The following MCMBP variants were observed in gnomAD, a reference collection of about 807,000 sequenced individuals.
MCMBP encodes the protein mini-chromosome maintenance complex-binding protein.
MCMBP carries 31 observed loss-of-function variants against 81.3 expected under a neutral mutation model. That is an observed-to-expected ratio of 0.38 (90% CI 0.29 to 0.51). The LOEUF (loss-of-function observed/expected upper bound fraction) is 0.51. Ranked by LOEUF, MCMBP falls within the 20% of genes least tolerant of loss-of-function variation. MCMBP has a pLI of 0.87. For synonymous variants in MCMBP, 267 were observed against 275.9 expected (o/e 0.97, Z 0.32); for missense variants, 645 against 772.1 (o/e 0.84, Z 1.95).
intron 12 of MCMBP, among the ~76,000 whole-genome samples, chr10:119,838,138 T>TA (rs1852311273): frequency 6.6e-6 from 1 of 151,530 alleles, no homozygotes; most frequent in Non-Finnish European, 1.5e-5. Flanking sequence ...AAAGAACCCT[T>TA]ACGACCCTCA....
At chr10:119,866,617 C>A (rs1248490328) in intron 1 of MCMBP, among the ~76,000 whole-genome samples, 2 of 151,746 alleles carry the variant, frequency 1.3e-5, no homozygotes, top group African/African-American at 4.8e-5. Context: ...CAGAGTGAGA[C>A]TCCGTCTCAA....
rs555757437 is a variant in MCMBP at position 119,855,499 on chromosome 10, G to A, written c.429+1839C>T. Among the ~76,000 whole-genome samples, 27 of 152,156 alleles carry A rather than the reference G, an allele frequency of 1.8e-4. No individual in the cohort carries two copies. In the South Asian group the frequency reaches 2.1e-3, roughly 12 times the overall value. ...AGCCTGGCCAACATGGTAAAACCCC[G>A]TCTCTATCAAAAATACAAAACAATT... On this transcript the variant is annotated intron_variant, in intron 5 of 15. Transcript: ENST00000369077.
At chr10:119,843,656 GTATTTT>G (rs769983304) in intron 8 of MCMBP, among the ~76,000 whole-genome samples, 61 of 151,970 alleles carry the variant, frequency 4.0e-4, no homozygotes, top group South Asian at 8.3e-4. Context: ...TTCAAGAACG[GTATTTT>G]TATTTTTATT....
intron 10 of MCMBP, among the ~76,000 whole-genome samples, chr10:119,841,813 A>G (rs1179500166): frequency 2.0e-5 from 3 of 152,262 alleles, no homozygotes; most frequent in Non-Finnish European, 4.4e-5. Context: ...TGTCCACGTT[A>G]AACGTGCACA....
At chr10:119,859,275 TACACACACAC>T (rs34034506) in intron 2 of MCMBP, 94 bp from the exon 3 acceptor site, 1,183 of 614,440 alleles carry the variant, frequency 1.9e-3, no homozygotes, top group African/African-American at 5.0e-3. Flanking sequence ...CTCAAACTGT[TACACACACAC>T]ACACACACAC....
rs1365595409 is a variant in MCMBP, at chr10:119,872,612, C to A, written c.-28G>T. On this transcript the variant is annotated 5_prime_UTR_variant, in exon 1 of 16. Coordinates refer to ENST00000369077, the MANE Select transcript of MCMBP (RefSeq NM_001256378.2). ...CGCCAGGGGCCGGGGCCGGCGAAGA[C>A]CGGGCGGAGGCGATCCGCGGGCCGA... 3 of 1,156,582 alleles carry A rather than the reference C, an allele frequency of 2.6e-6. No individual in the cohort carries two copies. Among genetic ancestry groups the A allele is most frequent in the Non-Finnish European group, 3.2e-6 (3 of 933,262 alleles). 71.6% of individuals were successfully genotyped at this position (1,156,582 alleles called of 1,614,324 possible).
In MCMBP at chr10:119,830,064, A is replaced by ATTAT. The variant is rs1564864580; in HGVS notation, c.*1406_*1409dup. 6.6e-6 allele frequency: 1 copy of ATTAT among 152,630 alleles called. No individual in the cohort carries two copies. Among genetic ancestry groups the ATTAT allele is most frequent in the East Asian group, 1.9e-4 (1 of 5,202 alleles). 9.5% of individuals were successfully genotyped at this position (152,630 alleles called of 1,614,324 possible). The stretch of plus-strand genomic sequence containing the variant: ...AAACCAGTTCAACTCTAATATAAAC[A>ATTAT]TTATTTACATTTGTTTATAAAAATA... On this transcript the variant is annotated 3_prime_UTR_variant, in exon 16 of 16. Coordinates refer to ENST00000369077, the MANE Select transcript of MCMBP (RefSeq NM_001256378.2).
At chr10:119,873,092 C>T (rs1356783935), upstream of MCMBP, among the ~76,000 whole-genome samples, 1 of 152,058 alleles carries the variant, frequency 6.6e-6, no homozygotes, top group East Asian at 1.9e-4. Flanking sequence ...CGGCGTGTAG[C>T]GGGAACTCCC....
intron 8 of MCMBP, among the ~76,000 whole-genome samples, chr10:119,846,927 G>A (rs1852638147): frequency 6.6e-6 from 1 of 151,982 alleles, no homozygotes; most frequent in Non-Finnish European, 1.5e-5. Context: ...AAAAAAAAGT[G>A]GCAAGACCAT....
chr10:119,871,522 G>C (rs982177437), intron 1 of MCMBP, among the ~76,000 whole-genome samples: 2 of 152,162 alleles, frequency 1.3e-5, no homozygotes, highest in African/African-American at 4.8e-5. Flanking sequence ...AGGACTTCCT[G>C]AGTAAGCACT....
At chr10:119,835,394 A>G in intron 14 of MCMBP, 146 bp downstream of exon 14, 4 of 723,788 alleles carry the variant, frequency 5.5e-6, no homozygotes, top group Non-Finnish European at 8.8e-6. Flanking sequence ...TCAAACAAAA[A>G]GACAATAATG....
At chr10:119,837,092 C>A in intron 12 of MCMBP, 63 bp from the exon 13 acceptor site, 1 of 1,532,574 alleles carries the variant, frequency 6.5e-7, no homozygotes, top group Non-Finnish European at 8.9e-7. Flanking sequence ...ATCAGTTTTG[C>A]TGACACCGAT....
intron 14 of MCMBP, 30 bp from the exon 15 acceptor site, chr10:119,832,130 T>G: frequency 1.3e-6 from 2 of 1,587,994 alleles, no homozygotes; most frequent in South Asian, 2.3e-5. Context: ...GTAAATGATG[T>G]GCATTTTTGT....
chr10:119,865,263 T>C (rs1226119176), intron 1 of MCMBP, among the ~76,000 whole-genome samples: 2 of 152,246 alleles, frequency 1.3e-5, no homozygotes, highest in Admixed American at 6.5e-5. Flanking sequence ...CATTATATAA[T>C]GTGCCTCTTG....
intron 12 of MCMBP, 37 bp from the exon 13 acceptor site, chr10:119,837,066 T>G: frequency 6.2e-7 from 1 of 1,606,250 alleles, no homozygotes; most frequent in Non-Finnish European, 8.5e-7. Context: ...TCATTTGACT[T>G]TAATCATCTA....
intron 11 of MCMBP, 45 bp downstream of exon 11, chr10:119,840,798 T>C: frequency 8.8e-7 from 1 of 1,136,078 alleles, no homozygotes; most frequent in South Asian, 1.6e-5. Context: ...AGATGGATTT[T>C]TTAAGTGTGC....
intron 8 of MCMBP, among the ~76,000 whole-genome samples, chr10:119,844,117 C>T (rs190958957): frequency 7.2e-5 from 11 of 152,326 alleles, no homozygotes; most frequent in Non-Finnish European, 1.5e-4. Flanking sequence ...TTCTCAAAAG[C>T]CATCTGGTAT....
rs763485612 is a variant in MCMBP at position 119,842,454 on chromosome 10, C to CA, written c.1124+17_1124+18insT. On this transcript the variant is annotated intron_variant, in intron 10 of 15. Transcript: ENST00000369077. ...ACACACCAAACTCCCCTAATTCCCA[C>CA]CAGGATACAGCACTTACACTGTGGA... 6.2e-7 allele frequency: 1 copy of CA among 1,601,558 alleles called. No individual in the cohort carries two copies.
intron 13 of MCMBP, among the ~76,000 whole-genome samples, chr10:119,836,146 T>C (rs977164827): frequency 1.3e-5 from 2 of 152,246 alleles, no homozygotes; most frequent in African/African-American, 4.8e-5. Context: ...CATCTATTTT[T>C]AATATTAATT....
Sources: gnomAD v4.1 joint callset for allele counts (sites outside exome capture counted in the v4.1 genomes callset) on GRCh38, gnomAD v4.1.1 for gene constraint, MANE v1.5 for transcripts, NCBI Gene and HGNC (gene_info 2026-07-23, HGNC 2026-07-21) for gene names.